The following EPX variants were observed in gnomAD, a reference collection of about 807,000 sequenced individuals.
EPX encodes the protein eosinophil peroxidase.
A neutral mutation model predicts 73.0 loss-of-function variants in EPX; 60 were observed. That is an observed-to-expected ratio of 0.82 (90% CI 0.67 to 1.02). EPX has a LOEUF of 1.02. Ranked by LOEUF, EPX falls within the 50% of genes least tolerant of loss-of-function variation. The probability of loss-of-function intolerance (pLI) is 0.00; values close to 1 mark genes in which losing one functional copy is unlikely to be tolerated. For synonymous variants in EPX, 347 were observed against 389.2 expected, an observed-to-expected ratio of 0.89 and a Z score of 1.28; for missense variants, 950 against 973.9, an observed-to-expected ratio of 0.98 and a Z score of 0.33.
Position 58,199,807 on chromosome 17 carries a change from TC to T in EPX, c.1537+15del, listed in dbSNP as rs370068180. On this transcript the variant is annotated intron_variant, in intron 9 of 12. Coordinates refer to ENST00000225371, the MANE Select transcript of EPX (RefSeq NM_000502.6). The stretch of plus-strand genomic sequence containing the variant: ...ATCGTGTATGAAGGTGACCAGGTTT[TC>T]CAGGGGGCAAATGGGGGTGAGGGTG... 46 of 1,571,670 alleles carry T rather than the reference TC, an allele frequency of 2.9e-5. No homozygotes were observed. In the African/African-American group the frequency reaches 6.4e-4, roughly 22 times the overall value.
Position 58,199,267 on chromosome 17 carries a change from A to G in EPX, c.1281+67A>G. 8.5e-6 allele frequency: 13 copies of G among 1,529,322 alleles called. No individual in the cohort carries two copies. In the South Asian group the frequency reaches 1.4e-4, roughly 16 times the overall value. 94.7% of individuals were successfully genotyped at this position (1,529,322 alleles called of 1,614,324 possible). A position where few individuals can be genotyped will look rare whatever the true frequency, so the allele number is the denominator to read the frequency against. On this transcript the variant is annotated intron_variant, in intron 8 of 12. Coordinates refer to ENST00000225371, the MANE Select transcript of EPX (RefSeq NM_000502.6). ...TGGCATGAGAAGCAGTCCTTAACAC[A>G]TCCTTGCGGATGTGCCTAAAACCAG...
chr17:58,199,189 G>T lies in EPX; in HGVS notation c.1270G>T (p.Ala424Ser). 2 of 1,613,984 alleles carry T rather than the reference G, an allele frequency of 1.2e-6. No individual in the cohort carries two copies. Among genetic ancestry groups the T allele is most frequent in the Non-Finnish European group, 1.7e-6 (2 of 1,179,920 alleles). The change falls in exon 8 of 13, where the codon GCC becomes TCC. Residue 424 changes from alanine (A) to serine (S), a missense_variant. Physicochemically the swap from Ala to Ser is moderately conservative, Grantham distance 99 (BLOSUM62 1). Transcript: ENST00000225371. ...LYNEARKIMGAMVQIITYRDF... is the reference protein window; with the variant it reads ...LYNEARKIMGSMVQIITYRDF... ...CAATGAGGCTCGGAAGATCATGGGG[G>T]CCATGGTCCAGGTAAGGAGCTCTGC...
chr17:58,193,578 T>A, intron 3 of EPX, 32 bp downstream of exon 3: 1 of 1,610,052 alleles, frequency 6.2e-7, no homozygotes, highest in Non-Finnish European at 8.5e-7. Flanking sequence ...CCGCTGGGCC[T>A]ACCCTGGCCT....
chr17:58,202,653 T>G, intron 10 of EPX: 1 of 274,166 alleles, frequency 3.6e-6, no homozygotes, highest in South Asian at 4.3e-5. Flanking sequence ...AGATGAATTT[T>G]ATCATTGCTC....
chr17:58,203,086 A>T lies in EPX; in HGVS notation c.1714A>T (p.Asn572Tyr), dbSNP rs2302311. ...RSRDHGLPGY[N>Y]AWRRFCGLSQ... ...TTCTCCCCGTTCCCCTGCAGGGTAC[A>T]ATGCTTGGAGGCGCTTCTGTGGGCT... is the stretch of plus-strand genomic sequence containing the variant. The change falls in exon 11 of 13, where the codon AAT (asparagine) becomes TAT (tyrosine). Residue 572 changes from asparagine (N) to tyrosine (Y), a missense_variant. Transcript: ENST00000225371. 7.1e-3 allele frequency: 11,467 copies of T among 1,613,076 alleles called. 103 individuals are homozygous for T. The highest frequency in any genetic ancestry group is 0.036 in the East Asian group (1,602 of 44,884).
At chr17:58,203,851 GA>G (rs1321641249) in intron 11 of EPX, among the ~76,000 whole-genome samples, 1 of 139,870 alleles carries the variant, frequency 7.1e-6, no homozygotes, top group East Asian at 2.1e-4. Flanking sequence ...AGAATGGCGT[GA>G]ACCCGGGAGG....
At chr17:58,202,493 A>AT (rs1968355094) in intron 10 of EPX, 1 of 163,174 alleles carries the variant, frequency 6.1e-6, no homozygotes, top group African/African-American at 2.4e-5. Context: ...ATATCACACC[A>AT]TTTTCACTCC....
chr17:58,194,498 G>T (rs1968226744), intron 5 of EPX, among the ~76,000 whole-genome samples: 1 of 152,096 alleles, frequency 6.6e-6, no homozygotes. Context: ...TATCGATAGA[G>T]CAGTCTATCA....
rs745463956 is a variant in EPX at position 58,199,513 on chromosome 17, A to C, written c.1282-26A>C. The C allele has an allele frequency of 1.3e-5, 21 of 1,613,630 alleles. No individual in the cohort carries two copies. In the Admixed American group the frequency reaches 3.3e-4, roughly 26 times the overall value. On this transcript the variant is annotated intron_variant, in intron 8 of 12. Transcript: ENST00000225371. ...GGGTATGGGTGAGTAGCCTCTGGGG[A>C]ATGTTCCTCCTGTCTTCCCTTCCAG...
At position 58,203,159 on chromosome 17, in the gene EPX, A is replaced by C. The variant is rs770541607; in HGVS notation, c.1787A>C (p.Gln596Pro). 2 of 1,614,232 alleles carry C rather than the reference A, an allele frequency of 1.2e-6. No homozygotes were observed. Among genetic ancestry groups the C allele is most frequent in the South Asian group, 2.2e-5 (2 of 91,086 alleles). ...LAQLSRVLKN[Q>P]DLARKFLNLY... is the part of the protein sequence containing the mutation. ...CAGCTTAGCCGGGTGCTGAAAAACCAGGACTTGGCAAGGAAGTTCCTGAAT... is the reference window on the plus strand; with the variant it reads ...CAGCTTAGCCGGGTGCTGAAAAACCCGGACTTGGCAAGGAAGTTCCTGAAT... Residue 596 changes from glutamine (Q) to proline (P), a missense_variant, in exon 11 of 13, where the codon CAG becomes CCG. Gln to Pro is a moderately conservative substitution (Grantham distance 76). Transcript: ENST00000225371.
rs779549660 is a variant in EPX, at chr17:58,193,150, G to T, written c.170+19G>T. 1 of 1,548,056 alleles carries T rather than the reference G, an allele frequency of 6.5e-7. No individual in the cohort carries two copies. Among genetic ancestry groups the T allele is most frequent in the Non-Finnish European group, 8.9e-7 (1 of 1,119,778 alleles). ...AGAAGAGGTGGACTTGGGTCTGGGG[G>T]CTGCATGGGCCTGGGAGGATCAGTG... On this transcript the variant is annotated intron_variant, in intron 2 of 12. Coordinates refer to ENST00000225371, the MANE Select transcript of EPX (RefSeq NM_000502.6).
In EPX at chr17:58,199,108, CG is replaced by C; in HGVS notation, c.1191del (p.Leu398TrpfsTer5). 6.2e-7 allele frequency: 1 copy of C among 1,613,984 alleles called. No individual in the cohort carries two copies. The highest frequency in any genetic ancestry group is 1.3e-5 in the African/African-American group (1 of 75,014). On this transcript the variant is annotated frameshift_variant, in exon 8 of 13. Coordinates refer to ENST00000225371, the MANE Select transcript of EPX (RefSeq NM_000502.6). LOFTEE classifies it high-confidence loss of function. ...CACCCTCTTTATGCGAGAGCACAAC[CG>C]GCTGGCCACCGAGCTGAGACGCCTG... Reference protein sequence around the residue: ...MHTLFMREHNRLATELRRLNP... With the variant: ...MHTLFMREHNXLATELRRLNP...
Position 58,192,750 on chromosome 17 carries a change from C to A in EPX, c.-97C>A. 1 of 1,038,416 alleles carries A rather than the reference C, an allele frequency of 9.6e-7. No individual in the cohort carries two copies. The highest frequency in any genetic ancestry group is 1.3e-5 in the South Asian group (1 of 74,178). The allele number at this position is 1,038,416 out of a possible 1,614,324, so 64.3% of individuals were successfully genotyped here. ...AGAAGAGCTGGAGGAAGTGAGAGGT[C>A]GGCTGGGGGTCCTCAAAGTGAGAGG... On this transcript the variant is annotated 5_prime_UTR_variant, in exon 1 of 13. Transcript: ENST00000225371.
At position 58,196,884 on chromosome 17, in the gene EPX, G is replaced by A. The variant is rs999267912; in HGVS notation, c.802-55G>A. Reference sequence around the variant, plus strand: ...TTGAGGAGGTGGAAGATGACGGAGAGGAGTGAGTCTGCTATTGAGGGGGCC... The same window carrying A: ...TTGAGGAGGTGGAAGATGACGGAGAAGAGTGAGTCTGCTATTGAGGGGGCC... On this transcript the variant is annotated intron_variant, in intron 6 of 12. Coordinates refer to ENST00000225371, the MANE Select transcript of EPX (RefSeq NM_000502.6). The A allele has an allele frequency of 7.1e-5, 94 of 1,332,782 alleles. 1 individual carries two copies. The South Asian group carries it at 7.5e-4, about 11-fold the overall frequency. 82.6% of individuals were successfully genotyped at this position (1,332,782 alleles called of 1,614,324 possible). A position where few individuals can be genotyped will look rare whatever the true frequency, so the allele number is the denominator to read the frequency against.
At chr17:58,194,186 A>T in intron 5 of EPX, 94 bp downstream of exon 5, 3 of 1,302,866 alleles carry the variant, frequency 2.3e-6, no homozygotes, top group Non-Finnish European at 3.3e-6. Context: ...GCTTGAACCC[A>T]GGCCCTTCCA....
chr17:58,193,884 C>T, intron 4 of EPX, 53 bp downstream of exon 4: 16 of 1,605,214 alleles, frequency 1.0e-5, no homozygotes, highest in Non-Finnish European at 1.3e-5. Flanking sequence ...CCTCTCCCTT[C>T]CTGCACCCAC....
chr17:58,199,911 C>T, intron 9 of EPX, 117 bp downstream of exon 9: 1 of 1,127,456 alleles, frequency 8.9e-7, no homozygotes, highest in Non-Finnish European at 1.3e-6. Context: ...GCTAATATCT[C>T]CCCAGGACAG....
In EPX at chr17:58,196,945, C is replaced by T; in HGVS notation, c.808C>T (p.Pro270Ser). 6.2e-7 allele frequency: 1 copy of T among 1,613,500 alleles called. No individual in the cohort carries two copies. The highest frequency in any genetic ancestry group is 8.5e-7 in the Non-Finnish European group (1 of 1,179,736). The change falls in exon 7 of 13, where the codon CCC becomes TCC. Residue 270 changes from proline to serine, a missense_variant. By Grantham distance (74) the Pro-to-Ser change is moderately conservative (BLOSUM62 -1). Coordinates refer to ENST00000225371, the MANE Select transcript of EPX (RefSeq NM_000502.6). ...LPPCFPIKIPPNDPRIKNQRD... is the reference protein window; with the variant it reads ...LPPCFPIKIPSNDPRIKNQRD... ...GTCTCCTCTTCCATCTCAGATCCCACCCAATGACCCCCGCATCAAGAACCA... is the reference window on the plus strand; with the variant it reads ...GTCTCCTCTTCCATCTCAGATCCCATCCAATGACCCCCGCATCAAGAACCA...
intron 5 of EPX, among the ~76,000 whole-genome samples, chr17:58,194,654 G>A (rs533855161): frequency 2.0e-5 from 3 of 152,314 alleles, no homozygotes; most frequent in African/African-American, 7.2e-5. Flanking sequence ...TTAGCTATCA[G>A]TGTACAAATT....
Sources: gnomAD v4.1 joint callset for allele counts (sites outside exome capture counted in the v4.1 genomes callset) on GRCh38, gnomAD v4.1.1 for gene constraint, MANE v1.5 for transcripts, NCBI Gene and HGNC (gene_info 2026-07-23, HGNC 2026-07-21) for gene names.